The following BTBD9 variants were observed in gnomAD, a reference collection of about 807,000 sequenced individuals.
BTBD9 encodes BTB domain containing 9.
A neutral mutation model predicts 64.3 loss-of-function variants in BTBD9; 49 were observed. The ratio of observed to expected loss-of-function variants is 0.76; its 90% CI spans 0.61 to 0.97. BTBD9 has a LOEUF of 0.97. Among genes scored for constraint, BTBD9 ranks in the 50% least tolerant of loss-of-function variants. The pLI, the probability that BTBD9 is intolerant of heterozygous loss-of-function variation, is 0.00. For missense variants in BTBD9, 598 were observed against 762.1 expected, an observed-to-expected ratio of 0.78 and a Z score of 2.53; for synonymous variants, 260 against 274.7, an observed-to-expected ratio of 0.95 and a Z score of 0.53.
At chr6:38,605,108 G>A (rs1338597566) in intron 1 of BTBD9, among the ~76,000 whole-genome samples, 6 of 151,530 alleles carry the variant, frequency 4.0e-5, no homozygotes, top group Admixed American at 3.3e-4. Flanking sequence ...GTGCAGTGGT[G>A]TGATCTCGGC....
At position 38,443,477 on chromosome 6, in the gene BTBD9, G is replaced by A. The variant is rs76612399; in HGVS notation, c.1155-98384C>T. 6.9e-3 allele frequency among the ~76,000 whole-genome samples: 1,049 copies of A among 152,128 alleles called. 4 individuals carry two copies. Among genetic ancestry groups the A allele is most frequent in the Non-Finnish European group, 0.012 (786 of 68,010 alleles). On this transcript the variant is annotated intron_variant, in intron 6 of 10. Coordinates refer to ENST00000481247, the MANE Select transcript of BTBD9 (RefSeq NM_001099272.2). ...TCCCCTTATTCTGGCATATCAACTC[G>A]TATTTCCCAATTTCCCACTATAAAG...
At chr6:38,501,270 T>C (rs569665336) in intron 6 of BTBD9, among the ~76,000 whole-genome samples, 117 of 152,288 alleles carry the variant, frequency 7.7e-4, no homozygotes, top group African/African-American at 2.8e-3. Context: ...AGTGCCAACA[T>C]GATGAGCAAA....
chr6:38,604,448 T>C (rs1777356958), intron 1 of BTBD9, among the ~76,000 whole-genome samples: 1 of 152,250 alleles, frequency 6.6e-6, no homozygotes, highest in African/African-American at 2.4e-5. Context: ...AATATGTATA[T>C]GATTCATTCA....
At chr6:38,308,352 C>T (rs905143874) in intron 7 of BTBD9, among the ~76,000 whole-genome samples, 3 of 152,124 alleles carry the variant, frequency 2.0e-5, no homozygotes, top group Admixed American at 6.6e-5. Flanking sequence ...AGGGAAGAGA[C>T]TTTACATCTG....
chr6:38,506,272 C>T (rs1772509527), intron 6 of BTBD9, among the ~76,000 whole-genome samples: 2 of 152,174 alleles, frequency 1.3e-5, no homozygotes, highest in South Asian at 4.1e-4. Context: ...ACCTAACTTA[C>T]CAAACATCAT....
intron 3 of BTBD9, among the ~76,000 whole-genome samples, chr6:38,593,632 C>A (rs1235720993): frequency 6.6e-6 from 1 of 152,158 alleles, no homozygotes; most frequent in Non-Finnish European, 1.5e-5. Context: ...CACTCTCTGT[C>A]AGAGAAAAAC....
At chr6:38,394,297 T>C (rs1766569113) in intron 6 of BTBD9, among the ~76,000 whole-genome samples, 1 of 152,054 alleles carries the variant, frequency 6.6e-6, no homozygotes, top group African/African-American at 2.4e-5. Flanking sequence ...TTGGTGCTGA[T>C]GGTGGTGATA....
chr6:38,477,740 G>A (rs553626739), intron 6 of BTBD9, among the ~76,000 whole-genome samples: 1 of 152,282 alleles, frequency 6.6e-6, no homozygotes, highest in Non-Finnish European at 1.5e-5. Flanking sequence ...AAAGCAATAC[G>A]AACTGGGGGT....
intron 6 of BTBD9, among the ~76,000 whole-genome samples, chr6:38,463,397 G>T (rs927648620): frequency 1.1e-4 from 17 of 152,150 alleles, no homozygotes; most frequent in African/African-American, 4.1e-4. Flanking sequence ...GCATTAGCTA[G>T]AACTTCCAGT....
intron 6 of BTBD9, among the ~76,000 whole-genome samples, chr6:38,419,737 G>A (rs1335717375): frequency 6.6e-6 from 1 of 152,114 alleles, no homozygotes; most frequent in African/African-American, 2.4e-5. Context: ...GGTTGTGGCA[G>A]TGCATGCCTG....
chr6:38,418,293 G>A (rs191450326), intron 6 of BTBD9, among the ~76,000 whole-genome samples: 2 of 152,290 alleles, frequency 1.3e-5, no homozygotes, highest in Non-Finnish European at 2.9e-5. Flanking sequence ...AGGCTCAGAT[G>A]CAGAAATTGG....
At chr6:38,269,169 C>G (rs967048306) in intron 8 of BTBD9, among the ~76,000 whole-genome samples, 13 of 152,036 alleles carry the variant, frequency 8.6e-5, no homozygotes, top group Non-Finnish European at 1.8e-4. Flanking sequence ...ACATGACTTA[C>G]CATTAAAAAA....
intron 6 of BTBD9, among the ~76,000 whole-genome samples, chr6:38,478,048 A>G (rs1770970438): frequency 6.6e-6 from 1 of 152,194 alleles, no homozygotes; most frequent in South Asian, 2.1e-4. Flanking sequence ...GATGTTATAC[A>G]GGATTAGGTA....
intron 8 of BTBD9, among the ~76,000 whole-genome samples, chr6:38,267,784 C>CA (rs1214369130): frequency 6.6e-6 from 1 of 152,020 alleles, no homozygotes; most frequent in East Asian, 1.9e-4. Context: ...ACTAAAAATA[C>CA]AAAAAATTAG....
chr6:38,534,031 A>G (rs1773908005), intron 6 of BTBD9, among the ~76,000 whole-genome samples: 1 of 152,104 alleles, frequency 6.6e-6, no homozygotes, highest in Non-Finnish European at 1.5e-5. Context: ...TAAAAATCAG[A>G]GCAGAAATAA....
At chr6:38,428,336 A>C (rs1195307295) in intron 6 of BTBD9, among the ~76,000 whole-genome samples, 1 of 128,000 alleles carries the variant, frequency 7.8e-6, no homozygotes, top group Non-Finnish European at 1.7e-5. Flanking sequence ...TTAGGCCCCC[A>C]AAAACCTTTG....
At chr6:38,471,479 G>T (rs780577970) in intron 6 of BTBD9, among the ~76,000 whole-genome samples, 3 of 152,278 alleles carry the variant, frequency 2.0e-5, no homozygotes, top group Non-Finnish European at 4.4e-5. Context: ...ACTAATGAAA[G>T]GCAGGTTTAG....
At position 38,632,833 on chromosome 6, in the gene BTBD9, G is replaced by A. The variant is rs115902906; in HGVS notation, c.-28+6967C>T. Among the ~76,000 whole-genome samples, 383 of 152,208 alleles carry A rather than the reference G, an allele frequency of 2.5e-3. 2 individuals are homozygous for A. Among genetic ancestry groups the A allele is most frequent in the African/African-American group, 8.8e-3 (367 of 41,534 alleles). On this transcript the variant is annotated intron_variant, in intron 1 of 10. Transcript: ENST00000481247. ...TGTCATCCCAGCTACTCAGAAGCCT[G>A]AGAAGGGAGAATTGCTTGAGCCCAG...
At chr6:38,431,987 C>A (rs1326218322) in intron 6 of BTBD9, among the ~76,000 whole-genome samples, 5 of 151,698 alleles carry the variant, frequency 3.3e-5, no homozygotes, top group Non-Finnish European at 5.9e-5. Flanking sequence ...GGAGGTGAGG[C>A]CTTTAAGAGG....
Sources: gnomAD v4.1 joint callset for allele counts (sites outside exome capture counted in the v4.1 genomes callset) on GRCh38, gnomAD v4.1.1 for gene constraint, MANE v1.5 for transcripts, NCBI Gene and HGNC (gene_info 2026-07-23, HGNC 2026-07-21) for gene names.